ROBO2: variants seen among roughly 807,000 people sequenced by gnomAD.
The protein encoded by ROBO2 is roundabout guidance receptor 2, also known as roundabout homolog 2.
A neutral mutation model predicts 160.8 loss-of-function variants in ROBO2; 53 were observed. The observed-to-expected ratio is 0.33, with a 90% confidence interval of 0.26 to 0.41. The LOEUF is 0.41. Among genes scored for constraint, ROBO2 ranks in the 10% least tolerant of loss-of-function variants. The probability of loss-of-function intolerance (pLI) is 1.00; values close to 1 mark genes in which losing one functional copy is unlikely to be tolerated. For synonymous variants in ROBO2, 664 were observed against 611.7 expected, an observed-to-expected ratio of 1.09 and a Z score of -1.26; for missense variants, 1,577 against 1,722.4, an observed-to-expected ratio of 0.92 and a Z score of 1.49.
intron 4 of ROBO2, among the ~76,000 whole-genome samples, chr3:77,488,196 C>T (rs1428621663): frequency 6.6e-6 from 1 of 152,186 alleles, no homozygotes; most frequent in African/African-American, 2.4e-5. Context: ...CAGAAACACA[C>T]TGGCAAACAA....
intron 2 of ROBO2, among the ~76,000 whole-genome samples, chr3:77,191,345 AATT>A (rs2081835804): frequency 6.6e-6 from 1 of 152,094 alleles, no homozygotes; most frequent in South Asian, 2.1e-4. Context: ...GAGAGCCATA[AATT>A]GAGCAGAGAG....
chr3:76,718,583 G>A (rs2093418597), intron 2 of ROBO2, among the ~76,000 whole-genome samples: 2 of 152,088 alleles, frequency 1.3e-5, no homozygotes, highest in African/African-American at 4.8e-5. Context: ...AGCAACTTAG[G>A]CCTGAATGTC....
At chr3:76,088,301 A>G (rs2069098014) in intron 2 of ROBO2, among the ~76,000 whole-genome samples, 1 of 152,086 alleles carries the variant, frequency 6.6e-6, no homozygotes, top group African/African-American at 2.4e-5. Context: ...CCCTACTACC[A>G]TAAATGGGCA....
intron 2 of ROBO2, among the ~76,000 whole-genome samples, chr3:77,335,532 T>C (rs1168252060): frequency 6.6e-6 from 1 of 152,204 alleles, no homozygotes; most frequent in Non-Finnish European, 1.5e-5. Context: ...TTTGCCAAAA[T>C]GTAAATATTT....
rs57810780 is a variant in ROBO2, at chr3:77,050,568, G to GT, written c.61+9734dup. On this transcript the variant is annotated intron_variant, in intron 1 of 25. Coordinates refer to ENST00000461745, the Ensembl canonical transcript of ROBO2. ...ACATTCTCAGTCTTTGCTTTTGTGT[G>GT]TTTTTTTTTTTTGTTGTTTTTTGGT... is the stretch of plus-strand genomic sequence containing the variant. Among the ~76,000 whole-genome samples the GT allele has an allele frequency of 3.8e-3, 546 of 144,424 alleles. 4 individuals carry two copies. The highest frequency in any genetic ancestry group is 0.012 in the African/African-American group (458 of 39,362). The allele number at this position is 144,424 out of a possible 152,430, so 94.7% of individuals were successfully genotyped here.
chr3:76,015,994 AC>A (rs1405291988), intron 2 of ROBO2, among the ~76,000 whole-genome samples: 1 of 152,192 alleles, frequency 6.6e-6, no homozygotes, highest in Non-Finnish European at 1.5e-5. Context: ...AAATGAGAGA[AC>A]TTTTTGCAGT....
At chr3:77,522,953 G>C in intron 6 of ROBO2, 51 bp downstream of exon 6, 1 of 1,600,490 alleles carries the variant, frequency 6.2e-7, no homozygotes, top group Non-Finnish European at 8.6e-7. Flanking sequence ...CTAATATTTG[G>C]TTAAATTGGT....
intron 5 of ROBO2, among the ~76,000 whole-genome samples, chr3:77,516,698 T>G (rs776612936): frequency 7.3e-5 from 11 of 151,648 alleles, no homozygotes; most frequent in Non-Finnish European, 1.5e-4. Context: ...ATTAACGAAT[T>G]AAATATTCCA....
intron 2 of ROBO2, among the ~76,000 whole-genome samples, chr3:76,771,059 T>C (rs928127623): frequency 1.3e-5 from 2 of 151,350 alleles, no homozygotes; most frequent in Non-Finnish European, 3.0e-5. Flanking sequence ...CTGGCCTTCA[T>C]TAAATGCAGT....
chr3:77,141,990 A>T (rs1263126834), intron 2 of ROBO2, among the ~76,000 whole-genome samples: 2 of 152,202 alleles, frequency 1.3e-5, no homozygotes, highest in Non-Finnish European at 2.9e-5. Flanking sequence ...AATTAAAAAT[A>T]TGGGCACCAT....
At position 76,677,197 on chromosome 3, in the gene ROBO2, C is replaced by T. The variant is rs879561105; in HGVS notation, c.110-420817C>T. The stretch of plus-strand genomic sequence containing the variant: ...CAGTGTACCCAGGGGAAATCTAGAC[C>T]TCTCATCTTCTCTTGGACAGAAGAA... On this transcript the variant is annotated intron_variant, in intron 2 of 26. Coordinates refer to the ROBO2 transcript ENST00000487694. 2.0e-5 allele frequency among the ~76,000 whole-genome samples: 3 copies of T among 151,828 alleles called. No homozygotes were observed. The East Asian group carries it at 5.8e-4, about 29-fold the overall frequency.
intron 2 of ROBO2, among the ~76,000 whole-genome samples, chr3:76,934,958 A>ATTTTTTTTTTTTTTTTTTTTT (rs151316771): frequency 1.4e-5 from 2 of 146,728 alleles, no homozygotes. Context: ...AGGCTTCACA[A>ATTTTTTTTTTTTTTTTTTTTT]ATTTTTTTTT....
chr3:76,787,385 C>A (rs770636506), intron 2 of ROBO2, among the ~76,000 whole-genome samples: 4 of 145,564 alleles, frequency 2.7e-5, no homozygotes, highest in Non-Finnish European at 4.6e-5. Context: ...TAGCTTGTGG[C>A]CCAAAGACAA....
chr3:77,089,168 A>G (rs2069773346), intron 1 of ROBO2, among the ~76,000 whole-genome samples: 1 of 152,236 alleles, frequency 6.6e-6, no homozygotes, highest in South Asian at 2.1e-4. Context: ...ATAATATTTT[A>G]GACTTCTAAA....
At chr3:76,606,900 GTTC>G (rs891550582) in intron 2 of ROBO2, among the ~76,000 whole-genome samples, 2 of 151,896 alleles carry the variant, frequency 1.3e-5, no homozygotes, top group African/African-American at 4.8e-5. Flanking sequence ...TGTATTTTGA[GTTC>G]TTATATATGC....
chr3:76,620,034 T>G (rs1017721797), intron 2 of ROBO2, among the ~76,000 whole-genome samples: 3 of 152,164 alleles, frequency 2.0e-5, no homozygotes, highest in African/African-American at 7.2e-5. Flanking sequence ...AATTGAACAT[T>G]TAAATATTTT....
intron 2 of ROBO2, among the ~76,000 whole-genome samples, chr3:76,058,589 C>CTTTTTTTTTTTTTTT (rs10676074): frequency 1.6e-4 from 8 of 48,856 alleles, no homozygotes; most frequent in Admixed American, 3.1e-4. Context: ...ACAGCAGAAA[C>CTTTTTTTTTTTTTTT]TTTTTTTTTT....
intron 2 of ROBO2, among the ~76,000 whole-genome samples, chr3:76,690,246 T>G (rs1170757873): frequency 6.6e-6 from 1 of 152,102 alleles, no homozygotes; most frequent in Non-Finnish European, 1.5e-5. Context: ...TGGAGCCATA[T>G]TAAGGAGTTG....
chr3:77,603,760 C>G (rs937563882), intron 20 of ROBO2: 1 of 152,016 alleles, frequency 6.6e-6, no homozygotes, highest in East Asian at 1.9e-4. Context: ...TTTCCTGGCC[C>G]AAAGATCCTT....
Sources: allele counts gnomAD v4.1 joint callset (sites outside exome capture counted in the v4.1 genomes callset), GRCh38; gene constraint gnomAD v4.1.1; transcripts MANE v1.5; gene names NCBI Gene and HGNC (gene_info 2026-07-23, HGNC 2026-07-21).